Variants in TBL1XR1 observed in about 807,000 individuals in gnomAD.
TBL1XR1 encodes the protein F-box-like/WD repeat-containing protein TBL1XR1.
A neutral mutation model predicts 66.9 loss-of-function variants in TBL1XR1; 5 were observed. The ratio of observed to expected loss-of-function variants is 0.07; its 90% CI spans 0.04 to 0.16. The LOEUF (loss-of-function observed/expected upper bound fraction) is 0.16, where lower values mean the gene tolerates loss of function less well. TBL1XR1 is among the 10% of genes least tolerant of loss of function. The probability of loss-of-function intolerance (pLI) is 1.00; values close to 1 mark genes in which losing one functional copy is unlikely to be tolerated. For synonymous variants in TBL1XR1, 210 were observed against 206.0 expected, an observed-to-expected ratio of 1.02 and a Z score of -0.17; for missense variants, 238 against 623.2, an observed-to-expected ratio of 0.38 and a Z score of 6.58.
At chr3:177,086,518 G>T (rs1257551224) in intron 2 of TBL1XR1, among the ~76,000 whole-genome samples, 1 of 152,082 alleles carries the variant, frequency 6.6e-6, no homozygotes, top group Non-Finnish European at 1.5e-5. Context: ...AGGGGGTAAT[G>T]AAAGTGTCTG....
chr3:177,197,783 C>T (rs1275539111), upstream of TBL1XR1, among the ~76,000 whole-genome samples: 1 of 147,056 alleles, frequency 6.8e-6, no homozygotes, highest in Non-Finnish European at 1.5e-5. Flanking sequence ...GGCTGTGCGG[C>T]GCATTCTTTT....
At chr3:177,090,452 G>A (rs1353105200) in intron 2 of TBL1XR1, among the ~76,000 whole-genome samples, 1 of 151,154 alleles carries the variant, frequency 6.6e-6, no homozygotes, top group African/African-American at 2.4e-5. Context: ...GCTGAGGCCA[G>A]GAGGAGTGCT....
chr3:177,082,666 A>T (rs1721545801), intron 2 of TBL1XR1, among the ~76,000 whole-genome samples: 2 of 146,584 alleles, frequency 1.4e-5, no homozygotes, highest in Admixed American at 6.9e-5. Flanking sequence ...AAAGAACCAT[A>T]AAATCCTGTC....
intron 10 of TBL1XR1, among the ~76,000 whole-genome samples, chr3:177,042,991 T>C (rs949281842): frequency 2.6e-5 from 4 of 152,178 alleles, no homozygotes; most frequent in African/African-American, 4.8e-5. Context: ...TGGATTTCAG[T>C]ATATTATTAA....
intron 1 of TBL1XR1, among the ~76,000 whole-genome samples, chr3:177,178,430 A>G (rs1734413439): frequency 6.6e-6 from 1 of 152,180 alleles, no homozygotes. Context: ...GCTAAAAGTA[A>G]CAAGCACTTT....
At chr3:177,054,075 C>CGT (rs1392987650) in intron 3 of TBL1XR1, among the ~76,000 whole-genome samples, 157 bp from the exon 4 acceptor site, 4 of 140,586 alleles carry the variant, frequency 2.8e-5, no homozygotes, top group African/African-American at 8.9e-5. Context: ...TGTGTGTGTG[C>CGT]GCGCGCGTGT....
intron 1 of TBL1XR1, among the ~76,000 whole-genome samples, chr3:177,106,471 A>T (rs562827789): frequency 6.6e-6 from 1 of 152,292 alleles, no homozygotes; most frequent in South Asian, 2.1e-4. Context: ...ATTAGACTCT[A>T]GCAAAATAAA....
intron 1 of TBL1XR1, among the ~76,000 whole-genome samples, chr3:177,153,327 G>A (rs1731116091): frequency 6.6e-6 from 1 of 152,106 alleles, no homozygotes; most frequent in African/African-American, 2.4e-5. Context: ...GAAAACAGCA[G>A]ATACAAGTGG....
At chr3:177,172,899 G>C (rs562887326) in intron 1 of TBL1XR1, among the ~76,000 whole-genome samples, 58 of 152,028 alleles carry the variant, frequency 3.8e-4, no homozygotes, top group Non-Finnish European at 7.6e-4. Context: ...TTGGCCAGGC[G>C]CGGTGGCTCA....
chr3:177,117,943 T>C (rs1726508721), intron 1 of TBL1XR1, among the ~76,000 whole-genome samples: 2 of 152,092 alleles, frequency 1.3e-5, no homozygotes, highest in Admixed American at 1.3e-4. Flanking sequence ...CTATGCAAGG[T>C]AGTAAGAAAT....
chr3:177,087,337 C>A (rs1722268873), intron 2 of TBL1XR1, among the ~76,000 whole-genome samples: 1 of 152,008 alleles, frequency 6.6e-6, no homozygotes, highest in African/African-American at 2.4e-5. Context: ...CTCTAAGTCA[C>A]TTTTTTAAAA....
At chr3:177,045,998 A>G (rs1716280544) in intron 10 of TBL1XR1, 131 bp downstream of exon 10, 1 of 662,516 alleles carries the variant, frequency 1.5e-6, no homozygotes, top group South Asian at 2.0e-5. Flanking sequence ...TGGAACATCA[A>G]CTCTCCAAAG....
chr3:177,114,189 T>G (rs986083838), intron 1 of TBL1XR1, among the ~76,000 whole-genome samples: 17 of 151,444 alleles, frequency 1.1e-4, no homozygotes, highest in African/African-American at 4.1e-4. Context: ...GATTCAACCA[T>G]TCCTCTCTCT....
Position 177,074,037 on chromosome 3 carries a change from T to C in TBL1XR1, c.-45-9015A>G, listed in dbSNP as rs567297757. Among the ~76,000 whole-genome samples the C allele has an allele frequency of 2.2e-3, 331 of 152,302 alleles. 3 individuals are homozygous for C. Among genetic ancestry groups the C allele is most frequent in the African/African-American group, 7.4e-3 (309 of 41,560 alleles). On this transcript the variant is annotated intron_variant, in intron 2 of 15. Coordinates refer to ENST00000457928, the MANE Select transcript of TBL1XR1 (RefSeq NM_024665.7). Reference sequence around the variant, plus strand: ...CACAGCAACAAAGAATGCAGGTCTTTGGTACTGGAGAATTGATTCATTACA... The same window carrying C: ...CACAGCAACAAAGAATGCAGGTCTTCGGTACTGGAGAATTGATTCATTACA...
chr3:177,148,902 G>C (rs1287802359), intron 1 of TBL1XR1, among the ~76,000 whole-genome samples: 1 of 151,762 alleles, frequency 6.6e-6, no homozygotes, highest in Non-Finnish European at 1.5e-5. Flanking sequence ...TACTCGGGAG[G>C]CTAAGGCAGG....
intron 2 of TBL1XR1, among the ~76,000 whole-genome samples, chr3:177,095,132 T>C (rs1723304111): frequency 6.6e-6 from 1 of 151,438 alleles, no homozygotes; most frequent in African/African-American, 2.4e-5. Context: ...AGACAAATAG[T>C]ATATGGTGCT....
In TBL1XR1 at chr3:177,026,484, T is replaced by A. The variant is rs750885591; in HGVS notation, c.1417-10A>T. 1 of 1,564,574 alleles carries A rather than the reference T, an allele frequency of 6.4e-7. No homozygotes were observed. The highest frequency in any genetic ancestry group is 2.3e-5 in the East Asian group (1 of 43,928). ...GAACTAGAGCACCTGTCTAAAAGAA[T>A]GAAAAACAAAATCTTAAAAATCGTA... On this transcript the variant is annotated splice_polypyrimidine_tract_variant and intron_variant, in intron 14 of 15. Coordinates refer to ENST00000457928, the MANE Select transcript of TBL1XR1 (RefSeq NM_024665.7).
intron 12 of TBL1XR1, chr3:177,037,845 A>AAT (rs2108434869): frequency 2.7e-6 from 1 of 371,402 alleles, no homozygotes; most frequent in African/African-American, 2.1e-5. Flanking sequence ...AGCCCTAACT[A>AAT]ATAGGGTATC....
intron 3 of TBL1XR1, among the ~76,000 whole-genome samples, chr3:177,063,112 G>A (rs531735340): frequency 8.6e-5 from 13 of 151,664 alleles, no homozygotes; most frequent in East Asian, 7.8e-4. Context: ...GCAAAACTCC[G>A]TCTCAAAAAA....
Sources: allele counts gnomAD v4.1 joint callset (sites outside exome capture counted in the v4.1 genomes callset), GRCh38; gene constraint gnomAD v4.1.1; transcripts MANE v1.5; gene names NCBI Gene and HGNC (gene_info 2026-07-23, HGNC 2026-07-21).